SNRPG: variants seen among roughly 807,000 people sequenced by gnomAD.
The protein encoded by SNRPG is small nuclear ribonucleoprotein G.
In SNRPG, 3 loss-of-function variants were observed where a neutral mutation model predicts 13.9. That is an observed-to-expected ratio of 0.22 (90% CI 0.10 to 0.56). The LOEUF is 0.56. SNRPG is among the 20% of genes least tolerant of loss of function. SNRPG has a pLI of 0.93. For synonymous variants in SNRPG, 29 were observed against 29.3 expected (o/e 0.99, Z 0.03); for missense variants, 34 against 96.1 (o/e 0.35, Z 2.70).
intron 3 of SNRPG, among the ~76,000 whole-genome samples, chr2:70,283,423 C>G (rs1009421172): frequency 1.3e-5 from 2 of 152,110 alleles, no homozygotes; most frequent in Non-Finnish European, 2.9e-5. Context: ...CAAAAAGATT[C>G]AAAGTGGAGC....
chr2:70,292,399 G>A (rs906879661), intron 1 of SNRPG, among the ~76,000 whole-genome samples: 2 of 152,062 alleles, frequency 1.3e-5, no homozygotes, highest in Admixed American at 1.3e-4. Context: ...CCAGGCTGGA[G>A]GGCAATGGCG....
rs1170388824 is a variant in SNRPG, at chr2:70,288,090, T to G, written c.158A>C (p.Gln53Pro). The G allele has an allele frequency of 6.2e-7, 1 of 1,611,790 alleles. No individual in the cohort carries two copies. The highest frequency in any genetic ancestry group is 2.2e-5 in the East Asian group (1 of 44,870). Residue 53 changes from glutamine to proline, a missense_variant, in exon 3 of 4, where the codon CAA (glutamine) becomes CCA (proline). Physicochemically the swap from Gln to Pro is moderately conservative, Grantham distance 76. Coordinates refer to ENST00000272348, the MANE Select transcript of SNRPG (RefSeq NM_003096.4). ...TACCACCATTCCAATATTGTTCTGT[T>G]GTCCACTAGTCGCCATCTCCACACA... Reference protein sequence around the residue: ...DECVEMATSGQQNNIGMVVIR... With the variant: ...DECVEMATSGPQNNIGMVVIR...
intron 3 of SNRPG, among the ~76,000 whole-genome samples, chr2:70,287,098 C>T (rs552290652): frequency 2.6e-5 from 4 of 152,098 alleles, no homozygotes; most frequent in Admixed American, 6.6e-5. Flanking sequence ...TTTCAAAATA[C>T]AGTAATGAAA....
chr2:70,289,732 G>T (rs1384599511), intron 1 of SNRPG, among the ~76,000 whole-genome samples: 1 of 152,074 alleles, frequency 6.6e-6, no homozygotes, highest in Non-Finnish European at 1.5e-5. Flanking sequence ...AATCACTGGA[G>T]CCTGCCACGT....
intron 1 of SNRPG, among the ~76,000 whole-genome samples, chr2:70,292,302 T>G (rs1286109856): frequency 6.6e-6 from 1 of 151,966 alleles, no homozygotes; most frequent in African/African-American, 2.4e-5. Context: ...TAGAAGTAGT[T>G]TTCATACAAA....
intron 3 of SNRPG, chr2:70,287,477 C>A: frequency 1.7e-6 from 1 of 600,196 alleles, no homozygotes; most frequent in South Asian, 2.1e-5. Context: ...CCTATGAGGG[C>A]TCAGTATGTG....
At chr2:70,286,784 C>T (rs1268110816) in intron 3 of SNRPG, among the ~76,000 whole-genome samples, 1 of 152,174 alleles carries the variant, frequency 6.6e-6, no homozygotes, top group Non-Finnish European at 1.5e-5. Flanking sequence ...GCAGAATTGA[C>T]AATTAGGTGC....
chr2:70,281,980 C>T lies in SNRPG; in HGVS notation c.181-296G>A, dbSNP rs149854306. ...TGTTGCCCAGGCTAGAGTGTAGTGG[C>T]GCAATCTCGGCTCACTGCAGCCTCT... On this transcript the variant is annotated intron_variant, in intron 3 of 3. Coordinates refer to ENST00000272348, the MANE Select transcript of SNRPG (RefSeq NM_003096.4). 3.2e-4 allele frequency among the ~76,000 whole-genome samples: 49 copies of T among 152,122 alleles called. 1 individual carries two copies. In the East Asian group the frequency reaches 7.3e-3, roughly 23 times the overall value.
intron 3 of SNRPG, chr2:70,287,470 A>T: frequency 1.6e-6 from 1 of 623,630 alleles, no homozygotes; most frequent in Non-Finnish European, 2.9e-6. Context: ...GTTTAATCCT[A>T]TGAGGGCTCA....
intron 3 of SNRPG, among the ~76,000 whole-genome samples, chr2:70,286,234 C>T (rs940070969): frequency 2.0e-5 from 3 of 152,138 alleles, no homozygotes; most frequent in African/African-American, 7.2e-5. Context: ...AGCCAACACA[C>T]ACATAACTGC....
intron 3 of SNRPG, chr2:70,287,484 T>A: frequency 1.7e-6 from 1 of 571,924 alleles, no homozygotes; most frequent in Non-Finnish European, 3.1e-6. Context: ...GGGCTCAGTA[T>A]GTGCTTATTT....
At chr2:70,282,117 T>C (rs1696803652) in intron 3 of SNRPG, among the ~76,000 whole-genome samples, 1 of 152,134 alleles carries the variant, frequency 6.6e-6, no homozygotes, top group Non-Finnish European at 1.5e-5. Flanking sequence ...GGTTTCACCA[T>C]GTTGGCCAGG....
chr2:70,286,294 G>A (rs1171765963), intron 3 of SNRPG, among the ~76,000 whole-genome samples: 1 of 152,084 alleles, frequency 6.6e-6, no homozygotes, highest in Non-Finnish European at 1.5e-5. Context: ...TCACTGACTT[G>A]GACAAGGTAA....
intron 3 of SNRPG, among the ~76,000 whole-genome samples, chr2:70,285,316 G>A (rs1054931045): frequency 1.3e-5 from 2 of 152,182 alleles, no homozygotes; most frequent in African/African-American, 2.4e-5. Flanking sequence ...GCTCACGCCT[G>A]TAATCCCAGC....
chr2:70,285,149 C>G (rs1349916083), intron 3 of SNRPG, among the ~76,000 whole-genome samples: 1 of 152,176 alleles, frequency 6.6e-6, no homozygotes, highest in Non-Finnish European at 1.5e-5. Flanking sequence ...CAAAGAGAAG[C>G]TGTAAAGTGC....
intron 3 of SNRPG, among the ~76,000 whole-genome samples, chr2:70,283,540 C>T (rs1183611478): frequency 1.3e-5 from 2 of 152,158 alleles, no homozygotes; most frequent in African/African-American, 4.8e-5. Context: ...GTTCTCCATA[C>T]AAATGTAAAT....
intron 1 of SNRPG, 35 bp downstream of exon 1, chr2:70,293,583 C>A: frequency 6.3e-7 from 1 of 1,596,228 alleles, no homozygotes; most frequent in African/African-American, 1.3e-5. Flanking sequence ...ACGCAAATAA[C>A]TGACCACTTC....
chr2:70,282,725 G>A (rs576395703), intron 3 of SNRPG, among the ~76,000 whole-genome samples: 56 of 152,150 alleles, frequency 3.7e-4, no homozygotes, highest in Middle Eastern at 6.8e-3. Flanking sequence ...AGAACCTAGA[G>A]GCAGAAAGAG....
Position 70,293,737 on chromosome 2 carries a change from T to G in SNRPG, c.-88A>C. The G allele has an allele frequency of 7.8e-7, 1 of 1,280,776 alleles. No individual in the cohort carries two copies. Among genetic ancestry groups the G allele is most frequent in the African/African-American group, 1.5e-5 (1 of 68,756 alleles). The allele number at this position is 1,280,776 out of a possible 1,614,324, so 79.3% of individuals were successfully genotyped here. A position where few individuals can be genotyped will look rare whatever the true frequency, so the allele number is the denominator to read the frequency against. ...CGCTGTAGGCCCGGCGTCTTGCGTC[T>G]GGCGTCATCGACCTCGTTAGCCAAT... On this transcript the variant is annotated 5_prime_UTR_variant, in exon 1 of 4. Transcript: ENST00000272348.
Sources: gnomAD v4.1 joint callset for allele counts (sites outside exome capture counted in the v4.1 genomes callset) on GRCh38, gnomAD v4.1.1 for gene constraint, MANE v1.5 for transcripts, NCBI Gene and HGNC (gene_info 2026-07-23, HGNC 2026-07-21) for gene names.